Variants in ABHD17A observed in about 807,000 individuals in gnomAD.
ABHD17A encodes alpha/beta hydrolase domain-containing protein 17A.
Under a neutral mutation model 26.8 loss-of-function variants are expected in ABHD17A, and 10 were observed. The observed-to-expected ratio is 0.37, with a 90% CI of 0.23 to 0.63. The LOEUF (loss-of-function observed/expected upper bound fraction) is 0.63. Ranked by LOEUF, ABHD17A falls within the 30% of genes least tolerant of loss-of-function variation. ABHD17A has a pLI of 0.61. For synonymous variants in ABHD17A, 167 were observed against 210.9 expected (o/e 0.79, Z 1.80); for missense variants, 292 against 457.3 (o/e 0.64, Z 3.30).
chr19:1,880,960 G>A lies in ABHD17A; in HGVS notation c.332+275C>T. On this transcript the variant is annotated intron_variant, in intron 2 of 4. Coordinates refer to ENST00000292577, the MANE Select transcript of ABHD17A (RefSeq NM_001130111.2). The surrounding 1 kb of genome is among the most constrained non-coding windows in gnomAD (Gnocchi z 4.1). ...CCTGTGCCCCAGCTCTTGCCCAGCA[G>A]GCAACCACCAGGCGCTGGGTTGTTG... 7 of 1,612,708 alleles carry A rather than the reference G, an allele frequency of 4.3e-6. No homozygotes were observed. Among genetic ancestry groups the A allele is most frequent in the Non-Finnish European group, 5.9e-6 (7 of 1,179,642 alleles).
chr19:1,883,749 G>C (rs1177193685), intron 1 of ABHD17A: 1 of 152,564 alleles, frequency 6.6e-6, no homozygotes, highest in African/African-American at 2.4e-5. Context: ...CCTCCTTGCT[G>C]ATCACCTGCT....
intron 2 of ABHD17A, 131 bp downstream of exon 2, chr19:1,881,104 T>C (rs1599208385): frequency 1.3e-6 from 2 of 1,571,840 alleles, no homozygotes; most frequent in Non-Finnish European, 1.7e-6. Flanking sequence ...ATACCACCCT[T>C]GCTGGCTGGA....
At chr19:1,882,408 C>T (rs2012567488) in intron 1 of ABHD17A, 1 of 152,266 alleles carries the variant, frequency 6.6e-6, no homozygotes, top group South Asian at 2.1e-4. Flanking sequence ...CTAGGGCCCC[C>T]AGAGCAGCAA....
chr19:1,880,133 G>A lies in ABHD17A; in HGVS notation c.333-18C>T, dbSNP rs1472081874. On this transcript the variant is annotated intron_variant, in intron 2 of 4. Transcript: ENST00000292577. This position sits in a 1 kb window ranked among gnomAD's most constrained non-coding sequence, Gnocchi z 4.1. ...CCGTGTACCTGGGACAGGCCGAGAA[G>A]GGCCGTTCACATCCTCGCTCCCAGC... 1 of 1,612,170 alleles carries A rather than the reference G, an allele frequency of 6.2e-7. No homozygotes were observed. Among genetic ancestry groups the A allele is most frequent in the African/African-American group, 1.3e-5 (1 of 74,916 alleles).
rs928753368 is a variant in ABHD17A, at chr19:1,879,852, C to T, written c.527+69G>A. ...CCCACCTTCCTCCCAGGGAAGCCCGCCCCCCGGCCCCCCGCCTGGTCCCCT... is the reference window on the plus strand; with the variant it reads ...CCCACCTTCCTCCCAGGGAAGCCCGTCCCCCGGCCCCCCGCCTGGTCCCCT... On this transcript the variant is annotated intron_variant, in intron 3 of 4. Coordinates refer to ENST00000292577, the MANE Select transcript of ABHD17A (RefSeq NM_001130111.2). The surrounding 1 kb of genome is among the most constrained non-coding windows in gnomAD (Gnocchi z 7.6). 6 of 1,470,922 alleles carry T rather than the reference C, an allele frequency of 4.1e-6. No individual in the cohort carries two copies. The highest frequency in any genetic ancestry group is 2.8e-5 in the African/African-American group (2 of 71,188). 91.1% of individuals were successfully genotyped at this position (1,470,922 alleles called of 1,614,324 possible).
chr19:1,881,373 C>T lies in ABHD17A; in HGVS notation c.194G>A (p.Arg65His), dbSNP rs764525658. Residue 65 changes from arginine (R) to histidine (H), a missense_variant, in exon 2 of 5, where the codon CGC becomes CAC. By Grantham distance (29) the Arg-to-His change is conservative (BLOSUM62 0). Around this residue, in one of 4 missense-constraint regions of ABHD17A, gnomAD observed 171 missense variants for 216.1 expected, o/e 0.79. Coordinates refer to ENST00000292577, the MANE Select transcript of ABHD17A (RefSeq NM_001130111.2). ...TLRASSGAPG[R>H]WKLHLTERAD... ...ACGCTCCGTCAGGTGCAGCTTCCAG[C>T]GCCCGGGTGCGCCCGAGGAGGCTCT... is the stretch of plus-strand genomic sequence containing the variant. 32 of 1,606,494 alleles carry T rather than the reference C, an allele frequency of 2.0e-5. No homozygotes were observed. The highest frequency in any genetic ancestry group is 2.2e-4 in the Middle Eastern group (1 of 4,450).
Position 1,879,762 on chromosome 19 carries a change from C to T in ABHD17A, c.527+159G>A. On this transcript the variant is annotated intron_variant, in intron 3 of 4. Coordinates refer to ENST00000292577, the MANE Select transcript of ABHD17A (RefSeq NM_001130111.2). This position sits in a 1 kb window ranked among gnomAD's most constrained non-coding sequence, Gnocchi z 7.6. ...GCCATGTGGAGGCGGCACCTGCACA[C>T]CCAAGCTCGCCTGTCCGGCTCTCTG... 3 of 711,928 alleles carry T rather than the reference C, an allele frequency of 4.2e-6. No individual in the cohort carries two copies. The highest frequency in any genetic ancestry group is 3.7e-5 in the South Asian group (2 of 53,880). 44.1% of individuals were successfully genotyped at this position (711,928 alleles called of 1,614,324 possible).
rs2012413398 is a variant in ABHD17A at position 1,877,824 on chromosome 19, C to A, written c.528-137G>T. Reference sequence around the variant, plus strand: ...GCCAAGTCAGTGGGTCAGGCTCAGGCTCCACACCAGTCCCGAGGGCCACCC... The same window carrying A: ...GCCAAGTCAGTGGGTCAGGCTCAGGATCCACACCAGTCCCGAGGGCCACCC... On this transcript the variant is annotated intron_variant, in intron 3 of 4. Transcript: ENST00000292577. 8.8e-6 allele frequency: 7 copies of A among 794,378 alleles called. No homozygotes were observed. The Admixed American group carries it at 1.1e-4, about 12-fold the overall frequency. The allele number at this position is 794,378 out of a possible 1,614,324, so 49.2% of individuals were successfully genotyped here.
At chr19:1,877,922 GT>G (rs2012416769) in intron 3 of ABHD17A, 1 of 538,964 alleles carries the variant, frequency 1.9e-6, no homozygotes, top group Non-Finnish European at 3.3e-6. Flanking sequence ...GTTCACTGGC[GT>G]TTCCTAGCTA....
In ABHD17A at chr19:1,877,715, C is replaced by A. The variant is rs776295041; in HGVS notation, c.528-28G>T. The A allele has an allele frequency of 2.0e-5, 31 of 1,584,142 alleles. No individual in the cohort carries two copies. In the South Asian group the frequency reaches 3.4e-4, roughly 17 times the overall value. ...GGCGGCGCCGGAGCAGGGTCAGCCGCGGCCTCCGACGCGCGCGCACCCTTC... is the reference window on the plus strand; with the variant it reads ...GGCGGCGCCGGAGCAGGGTCAGCCGAGGCCTCCGACGCGCGCGCACCCTTC... On this transcript the variant is annotated intron_variant, in intron 3 of 4. Coordinates refer to ENST00000292577, the MANE Select transcript of ABHD17A (RefSeq NM_001130111.2).
intron 3 of ABHD17A, chr19:1,877,987 C>A (rs2012418791): frequency 4.7e-6 from 2 of 425,478 alleles, no homozygotes; most frequent in Non-Finnish European, 4.3e-6. Flanking sequence ...GTAAGGGAGG[C>A]CCTGGCGCCT....
chr19:1,883,853 AT>A (rs1363467125), intron 1 of ABHD17A: 2 of 152,216 alleles, frequency 1.3e-5, no homozygotes, highest in Non-Finnish European at 2.9e-5. Context: ...GCCTCCCATT[AT>A]TCCCTGGATA....
Position 1,881,038 on chromosome 19 carries a change from G to A in ABHD17A, c.332+197C>T, listed in dbSNP as rs746167884. The A allele has an allele frequency of 3.1e-6, 5 of 1,607,998 alleles. No homozygotes were observed. In the South Asian group the frequency reaches 4.4e-5, roughly 14 times the overall value. ...AGCTGGGGATGGCCTCCCTGAGCCT[G>A]GTGTCCTTGTCTGCGAGAGAAAATT... is the stretch of plus-strand genomic sequence containing the variant. On this transcript the variant is annotated intron_variant, in intron 2 of 4. Coordinates refer to ENST00000292577, the MANE Select transcript of ABHD17A (RefSeq NM_001130111.2).
rs1031226172 is a variant in ABHD17A, at chr19:1,885,449, C to T, written c.-336G>A. On this transcript the variant is annotated 5_prime_UTR_variant, in exon 1 of 5. Coordinates refer to ENST00000292577, the MANE Select transcript of ABHD17A (RefSeq NM_001130111.2). ...GTCCCTCCGCACCCCTGCCCGGCCT[C>T]CTGCACCGCCACCGCCGCAGCTCCC... 1 of 152,552 alleles carries T rather than the reference C, an allele frequency of 6.6e-6. No individual in the cohort carries two copies. The highest frequency in any genetic ancestry group is 2.4e-5 in the African/African-American group (1 of 41,452). 9.4% of individuals were successfully genotyped at this position (152,552 alleles called of 1,614,324 possible).
chr19:1,884,993 G>A (rs1198089742), intron 1 of ABHD17A, among the ~76,000 whole-genome samples: 2 of 152,348 alleles, frequency 1.3e-5, no homozygotes, highest in Non-Finnish European at 2.9e-5. Flanking sequence ...GCTCGGGAGG[G>A]CCCCTGGGAG....
chr19:1,880,803 T>C lies in ABHD17A; in HGVS notation c.332+432A>G. On this transcript the variant is annotated intron_variant, in intron 2 of 4. Transcript: ENST00000292577. This position sits in a 1 kb window ranked among gnomAD's most constrained non-coding sequence, Gnocchi z 4.1. Reference sequence around the variant, plus strand: ...GCAGGTGGCCAGGCTGGCCCTGCCATGGACTGCTTCCTCCAGTTCCCCCAG... The same window carrying C: ...GCAGGTGGCCAGGCTGGCCCTGCCACGGACTGCTTCCTCCAGTTCCCCCAG... 6.4e-7 allele frequency: 1 copy of C among 1,552,618 alleles called. No homozygotes were observed. Among genetic ancestry groups the C allele is most frequent in the Non-Finnish European group, 8.7e-7 (1 of 1,144,384 alleles).
intron 4 of ABHD17A, 31 bp downstream of exon 4, chr19:1,877,476 GC>G: frequency 1.9e-6 from 3 of 1,579,244 alleles, no homozygotes; most frequent in Non-Finnish European, 1.7e-6. Flanking sequence ...CCCGGGCCCC[GC>G]CCCGCCCCCG....
chr19:1,885,017 C>T (rs1450366225), intron 1 of ABHD17A, among the ~76,000 whole-genome samples: 1 of 152,120 alleles, frequency 6.6e-6, no homozygotes, highest in African/African-American at 2.4e-5. Context: ...CCTTGGGGGG[C>T]GAGAGGCCGA....
In ABHD17A at chr19:1,877,026, C is replaced by G. The variant is rs1380521219; in HGVS notation, c.*174G>C. 1 of 581,946 alleles carries G rather than the reference C, an allele frequency of 1.7e-6. No individual in the cohort carries two copies. The highest frequency in any genetic ancestry group is 3.1e-6 in the Non-Finnish European group (1 of 327,828). 36.0% of individuals were successfully genotyped at this position (581,946 alleles called of 1,614,324 possible). Reference sequence around the variant, plus strand: ...TTTTCACGTATTTTCTTCTTGCTTCCAAAAGGAAAGGAGTGCGTAGCTCTG... The same window carrying G: ...TTTTCACGTATTTTCTTCTTGCTTCGAAAAGGAAAGGAGTGCGTAGCTCTG... On this transcript the variant is annotated 3_prime_UTR_variant, in exon 5 of 5. Coordinates refer to ENST00000292577, the MANE Select transcript of ABHD17A (RefSeq NM_001130111.2).
Sources: allele counts gnomAD v4.1 joint callset (sites outside exome capture counted in the v4.1 genomes callset), GRCh38; gene constraint gnomAD v4.1.1; regional missense constraint gnomAD v4.1.1; non-coding constraint Gnocchi (gnomAD v3.1); transcripts MANE v1.5; gene names NCBI Gene and HGNC (gene_info 2026-07-23, HGNC 2026-07-21).